The following PDE11A variants were observed in gnomAD, a reference collection of about 807,000 sequenced individuals.
PDE11A encodes dual 3',5'-cyclic-AMP and -GMP phosphodiesterase 11A.
Under a neutral mutation model 100.5 loss-of-function variants are expected in PDE11A, and 100 were observed. That is an observed-to-expected ratio of 1.00 (90% CI 0.85 to 1.18). The LOEUF (loss-of-function observed/expected upper bound fraction) is 1.18. Ranked by LOEUF, PDE11A falls within the 50% of genes most tolerant of loss-of-function variation. PDE11A has a pLI of 0.00. For synonymous variants in PDE11A, 381 were observed against 420.8 expected (o/e 0.91, Z 1.16); for missense variants, 1,141 against 1,152.6 (o/e 0.99, Z 0.15).
chr2:177,663,819 CT>C (rs1419700616), intron 19 of PDE11A, 46 bp downstream of exon 19: 1 of 1,065,350 alleles, frequency 9.4e-7, no homozygotes, highest in Non-Finnish European at 1.5e-6. Flanking sequence ...CACACTTTTC[CT>C]TTTCTGATTC....
At chr2:177,909,775 G>T (rs183124592) in intron 2 of PDE11A, among the ~76,000 whole-genome samples, 1 of 140,724 alleles carries the variant, frequency 7.1e-6, no homozygotes, top group East Asian at 2.1e-4. Context: ...TTTAGCATTG[G>T]TGATAAATGC....
chr2:177,733,497 A>T (rs1429038641), intron 10 of PDE11A, among the ~76,000 whole-genome samples: 1 of 152,232 alleles, frequency 6.6e-6, no homozygotes, highest in Non-Finnish European at 1.5e-5. Flanking sequence ...CTTTACAAAG[A>T]GGCCATAAAA....
At chr2:177,972,093 T>C (rs1379956090) in intron 2 of PDE11A, among the ~76,000 whole-genome samples, 4 of 152,178 alleles carry the variant, frequency 2.6e-5, no homozygotes, top group Non-Finnish European at 1.5e-5. Flanking sequence ...TAAGTTTGTA[T>C]AATAGGTGAG....
intron 19 of PDE11A, among the ~76,000 whole-genome samples, chr2:177,652,519 G>C (rs1169627190): frequency 6.6e-6 from 1 of 152,166 alleles, no homozygotes; most frequent in African/African-American, 2.4e-5. Context: ...CTGTAGTAAG[G>C]GGGAGGGAGG....
intron 1 of PDE11A, among the ~76,000 whole-genome samples, chr2:178,032,081 T>A (rs537077590): frequency 6.6e-6 from 1 of 152,260 alleles, no homozygotes; most frequent in African/African-American, 2.4e-5. Flanking sequence ...TGAGAAAAGA[T>A]GAACTTCTCA....
At chr2:177,850,949 T>C (rs2083689991) in intron 5 of PDE11A, among the ~76,000 whole-genome samples, 1 of 152,208 alleles carries the variant, frequency 6.6e-6, no homozygotes, top group African/African-American at 2.4e-5. Context: ...GACTGTAAAC[T>C]AGTTCAACCA....
chr2:177,889,830 T>C (rs1268564984), intron 4 of PDE11A, among the ~76,000 whole-genome samples: 2 of 152,178 alleles, frequency 1.3e-5, no homozygotes, highest in African/African-American at 4.8e-5. Context: ...AGAGATCTTA[T>C]TATTTTTTAT....
At position 177,849,801 on chromosome 2, in the gene PDE11A, A is replaced by AAAAAAC. The variant is rs1158242471; in HGVS notation, c.1368-9419_1368-9418insGTTTTT. On this transcript the variant is annotated intron_variant, in intron 5 of 19. Transcript: ENST00000286063. ...CGAGACTCCATCTCAAAAAAAAAACAAAAAAACCTAGGAATCCAACTTACA... is the reference window on the plus strand; with the variant it reads ...CGAGACTCCATCTCAAAAAAAAAACAAAAAACAAAAAACCTAGGAATCCAACTTACA... Among the ~76,000 whole-genome samples, 884 of 143,560 alleles carry AAAAAAC rather than the reference A, an allele frequency of 6.2e-3. 7 individuals carry two copies. Among genetic ancestry groups the AAAAAAC allele is most frequent in the African/African-American group, 0.021 (819 of 38,854 alleles). The allele number at this position is 143,560 out of a possible 152,430, so 94.2% of individuals were successfully genotyped here. A position where few individuals can be genotyped will look rare whatever the true frequency, so the allele number is the denominator to read the frequency against.
At chr2:177,639,133 T>A (rs978350351) in intron 19 of PDE11A, among the ~76,000 whole-genome samples, 4 of 152,224 alleles carry the variant, frequency 2.6e-5, no homozygotes, top group Non-Finnish European at 4.4e-5. Context: ...AGAAATTCTA[T>A]CCAGGCCACA....
chr2:177,933,087 C>CACACACAT (rs370333403), intron 2 of PDE11A, among the ~76,000 whole-genome samples: 1,790 of 151,554 alleles, frequency 0.012, 25 homozygotes, highest in East Asian at 0.074. Flanking sequence ...CACACACACA[C>CACACACAT]ACAAATAAAA....
At chr2:177,878,642 A>T (rs2084279434) in intron 4 of PDE11A, among the ~76,000 whole-genome samples, 2 of 152,130 alleles carry the variant, frequency 1.3e-5, no homozygotes, top group South Asian at 4.1e-4. Flanking sequence ...TCCTCATTTT[A>T]TTGACAGCAA....
At chr2:177,712,195 T>C (rs2081367475) in intron 12 of PDE11A, among the ~76,000 whole-genome samples, 1 of 152,130 alleles carries the variant, frequency 6.6e-6, no homozygotes, top group East Asian at 1.9e-4. Flanking sequence ...GGGCAAAATG[T>C]GTTTTGTTAT....
chr2:178,014,941 G>A (rs2086317368), intron 1 of PDE11A, among the ~76,000 whole-genome samples: 1 of 152,110 alleles, frequency 6.6e-6, no homozygotes, highest in Admixed American at 6.5e-5. Context: ...TGTGGGGTAT[G>A]GGGAGATAAA....
Position 178,020,924 on chromosome 2 carries a change from GGTGTGTGTGTGTGTGTGT to G in PDE11A, c.913-6482_913-6465del, listed in dbSNP as rs532087273. ...CTTTGTTTTTTTGTTTTTTTGTCTT[GGTGTGTGTGTGTGTGTGT>G]GTGTGTGTGTGTGTGTGTGTGTGTG... is the stretch of plus-strand genomic sequence containing the variant. On this transcript the variant is annotated intron_variant, in intron 1 of 19. Coordinates refer to ENST00000286063, the MANE Select transcript of PDE11A (RefSeq NM_016953.4). Among the ~76,000 whole-genome samples, 33 of 125,792 alleles carry G rather than the reference GGTGTGTGTGTGTGTGTGT, an allele frequency of 2.6e-4. 1 individual carries two copies. Among genetic ancestry groups the G allele is most frequent in the Middle Eastern group, 8.0e-3 (2 of 250 alleles). The allele number at this position is 125,792 out of a possible 152,430, so 82.5% of individuals were successfully genotyped here.
intron 2 of PDE11A, chr2:177,997,327 C>T: frequency 2.2e-6 from 2 of 903,116 alleles, no homozygotes; most frequent in African/African-American, 1.6e-5. Flanking sequence ...GATTATAAAT[C>T]TGCCTGGCAT....
chr2:177,631,726 T>C (rs998220243), intron 19 of PDE11A, among the ~76,000 whole-genome samples: 4 of 150,026 alleles, frequency 2.7e-5, no homozygotes, highest in Non-Finnish European at 5.9e-5. Flanking sequence ...AATGAGAATG[T>C]ATGGATTTTT....
intron 2 of PDE11A, chr2:177,997,200 G>C: frequency 7.9e-7 from 1 of 1,266,658 alleles, no homozygotes; most frequent in South Asian, 1.2e-5. Flanking sequence ...TTATTCAGTA[G>C]AGTCTTCCAC....
intron 2 of PDE11A, among the ~76,000 whole-genome samples, chr2:177,992,797 C>T (rs933223895): frequency 3.3e-5 from 5 of 152,170 alleles, no homozygotes; most frequent in Non-Finnish European, 5.9e-5. Context: ...AGAACTATGA[C>T]TGCCTATAAC....
intron 9 of PDE11A, among the ~76,000 whole-genome samples, chr2:177,798,643 G>A (rs1291822839): frequency 1.3e-5 from 2 of 152,048 alleles, no homozygotes; most frequent in African/African-American, 2.4e-5. Flanking sequence ...CTGGATTCTG[G>A]TATAAAATGA....
Sources: gnomAD v4.1 joint callset for allele counts (sites outside exome capture counted in the v4.1 genomes callset) on GRCh38, gnomAD v4.1.1 for gene constraint, MANE v1.5 for transcripts, NCBI Gene and HGNC (gene_info 2026-07-23, HGNC 2026-07-21) for gene names.